TMEM81: variants seen among roughly 807,000 people sequenced by gnomAD.
The protein encoded by TMEM81 is transmembrane protein 81.
For synonymous variants in TMEM81, 132 were observed against 119.1 expected (o/e 1.11, Z -0.71); for missense variants, 294 against 300.5 (o/e 0.98, Z 0.16).
rs147804454 is a variant in TMEM81, at chr1:205,084,352, G to A, written c.-32C>T. 2.4e-3 allele frequency: 3,757 copies of A among 1,592,010 alleles called. 5 individuals are homozygous for A. Among genetic ancestry groups the A allele is most frequent in the Middle Eastern group, 4.6e-3 (27 of 5,900 alleles). On this transcript the variant is annotated 5_prime_UTR_variant, in exon 1 of 1. Transcript: ENST00000367167. ...GTAGGCGTTTTGCCACCCTCAGCCA[G>A]CACCCACAAGGTATTCCAGCTGAAT... is the stretch of plus-strand genomic sequence containing the variant.
rs372450015 is a variant in TMEM81 at position 205,084,371 on chromosome 1, G to A, written c.-51C>T. On this transcript the variant is annotated 5_prime_UTR_variant, in exon 1 of 1. Transcript: ENST00000367167. Reference sequence around the variant, plus strand: ...CAGCCAGCACCCACAAGGTATTCCAGCTGAATCCTCTATAAATCATAACTT... The same window carrying A: ...CAGCCAGCACCCACAAGGTATTCCAACTGAATCCTCTATAAATCATAACTT... 6 of 1,551,502 alleles carry A rather than the reference G, an allele frequency of 3.9e-6. No homozygotes were observed. The highest frequency in any genetic ancestry group is 5.2e-6 in the Non-Finnish European group (6 of 1,148,538).
Position 205,083,229 on chromosome 1 carries a change from G to C in TMEM81, c.*324C>G, listed in dbSNP as rs1424263394. Reference sequence around the variant, plus strand: ...TCAGAAGAGGGGAAATGGAGGTGGGGAGGCATCCAAGTCATAAAGGGTAGA... The same window carrying C: ...TCAGAAGAGGGGAAATGGAGGTGGGCAGGCATCCAAGTCATAAAGGGTAGA... On this transcript the variant is annotated 3_prime_UTR_variant, in exon 1 of 1. Transcript: ENST00000367167. 6.8e-6 allele frequency: 2 copies of C among 295,836 alleles called. No individual in the cohort carries two copies. Among genetic ancestry groups the C allele is most frequent in the African/African-American group, 4.3e-5 (2 of 46,350 alleles). 18.3% of individuals were successfully genotyped at this position (295,836 alleles called of 1,614,324 possible).
chr1:205,084,224 C>G lies in TMEM81; in HGVS notation c.97G>C (p.Glu33Gln). 6.2e-7 allele frequency: 1 copy of G among 1,614,142 alleles called. No homozygotes were observed. Among genetic ancestry groups the G allele is most frequent in the African/African-American group, 1.3e-5 (1 of 75,040 alleles). ...TTCCCCACAGCTTCTTGCAGCTTCT[C>G]AGGGATGGCCAGTGTTTTAGGTGTA... ...VTTPKTLAIPEKLQEAVGKVI... is the reference protein window; with the variant it reads ...VTTPKTLAIPQKLQEAVGKVI... Residue 33 changes from glutamate (E) to glutamine (Q), a missense_variant, in exon 1 of 1, where the codon GAG becomes CAG. Glu to Gln is a conservative substitution (Grantham distance 29). Coordinates refer to ENST00000367167, the MANE Select transcript of TMEM81 (RefSeq NM_203376.2).
At position 205,084,206 on chromosome 1, in the gene TMEM81, C is replaced by T. The variant is rs752746912; in HGVS notation, c.115G>A (p.Val39Met). 28 of 1,614,084 alleles carry T rather than the reference C, an allele frequency of 1.7e-5. No homozygotes were observed. Among genetic ancestry groups the T allele is most frequent in the Non-Finnish European group, 2.3e-5 (27 of 1,180,044 alleles). Reference protein sequence around the residue: ...LAIPEKLQEAVGKVIINATTC... With the variant: ...LAIPEKLQEAMGKVIINATTC... ...GTGGCATTGATGATAACTTTCCCCA[C>T]AGCTTCTTGCAGCTTCTCAGGGATG... The change falls in exon 1 of 1, where the codon GTG becomes ATG. Residue 39 changes from valine (V) to methionine (M), a missense_variant. Physicochemically the swap from Val to Met is conservative, Grantham distance 21. Coordinates refer to ENST00000367167, the MANE Select transcript of TMEM81 (RefSeq NM_203376.2).
Position 205,083,960 on chromosome 1 carries a change from A to G in TMEM81, c.361T>C (p.Trp121Arg). The stretch of plus-strand genomic sequence containing the variant: ...GAGATGACACCTCGAGCAAGTCTCC[A>G]GGTGAACCGGAAAGCTTCCTGTCCA... ...EFGQEAFRFT[W>R]RLARGVISTD... The change falls in exon 1 of 1, where the codon TGG (tryptophan) becomes CGG (arginine). Residue 121 changes from tryptophan (W) to arginine (R), a missense_variant. Transcript: ENST00000367167. The G allele has an allele frequency of 6.2e-7, 1 of 1,614,248 alleles. No homozygotes were observed. The highest frequency in any genetic ancestry group is 8.5e-7 in the Non-Finnish European group (1 of 1,180,038).
In TMEM81 at chr1:205,083,864, A is replaced by C. The variant is rs1163153222; in HGVS notation, c.457T>G (p.Tyr153Asp). The change falls in exon 1 of 1, where the codon TAT (tyrosine) becomes GAT (aspartate). Residue 153 changes from tyrosine to aspartate, a missense_variant. Coordinates refer to ENST00000367167, the MANE Select transcript of TMEM81 (RefSeq NM_203376.2). ...HFVKFKYAQE[Y>D]DSGTYRCDVQ... ...TCACAGCGATATGTCCCAGAGTCATACTCCTGAGCATATTTAAACTTCACA... is the reference window on the plus strand; with the variant it reads ...TCACAGCGATATGTCCCAGAGTCATCCTCCTGAGCATATTTAAACTTCACA... The C allele has an allele frequency of 6.2e-7, 1 of 1,613,996 alleles. No homozygotes were observed. Among genetic ancestry groups the C allele is most frequent in the Non-Finnish European group, 8.5e-7 (1 of 1,180,044 alleles).
chr1:205,084,006 C>CA lies in TMEM81; in HGVS notation c.314dup (p.Ser106GlufsTer26), dbSNP rs1346230983. 4 of 1,614,094 alleles carry CA rather than the reference C, an allele frequency of 2.5e-6. No individual in the cohort carries two copies. The highest frequency in any genetic ancestry group is 3.3e-5 in the Admixed American group (2 of 60,008). On this transcript the variant is annotated frameshift_variant, in exon 1 of 1. Coordinates refer to ENST00000367167, the MANE Select transcript of TMEM81 (RefSeq NM_203376.2). LOFTEE classifies it low-confidence loss of function (END_TRUNC). ...GTCCAAACTCCAAGATGTCTGAACT[C>CA]AGACAGCTAAGCTCAAATTCCTTGC... is the stretch of plus-strand genomic sequence containing the variant.
chr1:205,084,016 A>G lies in TMEM81; in HGVS notation c.305T>C (p.Leu102Pro), dbSNP rs775342368. The change falls in exon 1 of 1, where the codon CTT becomes CCT. Residue 102 changes from leucine to proline, a missense_variant. Leu to Pro is a moderately conservative substitution (Grantham distance 98, BLOSUM62 -3). Transcript: ENST00000367167. ...FTILIGKEFE[L>P]SCLSSDILEF... ...CAAGATGTCTGAACTCAGACAGCTA[A>G]GCTCAAATTCCTTGCCAATGAGAAT... 26 of 1,614,094 alleles carry G rather than the reference A, an allele frequency of 1.6e-5. No individual in the cohort carries two copies. The highest frequency in any genetic ancestry group is 1.7e-6 in the Non-Finnish European group (2 of 1,180,040).
At position 205,083,292 on chromosome 1, in the gene TMEM81, A is replaced by G. The variant is rs142284266; in HGVS notation, c.*261T>C. ...GCTTCTTAGAACTCTTCCCAGGAAC[A>G]CAGGCAATGCTTGCAGTTTCCTGGG... On this transcript the variant is annotated 3_prime_UTR_variant, in exon 1 of 1. Transcript: ENST00000367167. 24 of 453,274 alleles carry G rather than the reference A, an allele frequency of 5.3e-5. No individual in the cohort carries two copies. The East Asian group carries it at 8.2e-4, about 16-fold the overall frequency. The allele number at this position is 453,274 out of a possible 1,614,324, so 28.1% of individuals were successfully genotyped here.
Position 205,083,967 on chromosome 1 carries a change from C to G in TMEM81, c.354G>C (p.Arg118=), listed in dbSNP as rs1240126073. The G allele has an allele frequency of 6.2e-7, 1 of 1,614,082 alleles. No individual in the cohort carries two copies. Among genetic ancestry groups the G allele is most frequent in the Non-Finnish European group, 8.5e-7 (1 of 1,180,050 alleles). The stretch of plus-strand genomic sequence containing the variant: ...CACCTCGAGCAAGTCTCCAGGTGAA[C>G]CGGAAAGCTTCCTGTCCAAACTCCA... ...DILEFGQEAF[R]FTWRLARGVI... The change falls in exon 1 of 1, where the codon CGG becomes CGC. Residue 118 remains arginine, a synonymous_variant. Transcript: ENST00000367167.
chr1:205,083,933 T>A lies in TMEM81; in HGVS notation c.388A>T (p.Thr130Ser), dbSNP rs776315895. 1 of 1,614,190 alleles carries A rather than the reference T, an allele frequency of 6.2e-7. No individual in the cohort carries two copies. The highest frequency in any genetic ancestry group is 1.7e-5 in the Admixed American group (1 of 60,026). The change falls in exon 1 of 1, where the codon ACT (threonine) becomes TCT (serine). Residue 130 changes from threonine (T) to serine (S), a missense_variant. Coordinates refer to ENST00000367167, the MANE Select transcript of TMEM81 (RefSeq NM_203376.2). Reference sequence around the variant, plus strand: ...AAGGGTTTGAAGACCTCATCGTCAGTGGAGATGACACCTCGAGCAAGTCTC... The same window carrying A: ...AAGGGTTTGAAGACCTCATCGTCAGAGGAGATGACACCTCGAGCAAGTCTC... ...TWRLARGVIS[T>S]DDEVFKPFQA...
rs753138099 is a variant in TMEM81 at position 205,083,604 on chromosome 1, G to A, written c.717C>T (p.Gly239=). Residue 239 remains glycine, a synonymous_variant, in exon 1 of 1, where the codon GGC becomes GGT. Transcript: ENST00000367167. ...GIGIAIGVVG[G]VLVRIVLCAL... ...CACAGAGGACAATCCTCACCAACACGCCACCAACCACTCCAATGGCAATTC... is the reference window on the plus strand; with the variant it reads ...CACAGAGGACAATCCTCACCAACACACCACCAACCACTCCAATGGCAATTC... 96 of 1,613,974 alleles carry A rather than the reference G, an allele frequency of 5.9e-5. No homozygotes were observed. Among genetic ancestry groups the A allele is most frequent in the Non-Finnish European group, 7.5e-5 (88 of 1,180,016 alleles).
At position 205,083,565 on chromosome 1, in the gene TMEM81, GC is replaced by G. The variant is rs767508106; in HGVS notation, c.755del (p.Gly252AlafsTer25). On this transcript the variant is annotated frameshift_variant, in exon 1 of 1. Transcript: ENST00000367167. LOFTEE classifies it low-confidence loss of function (END_TRUNC). ...VRIVLCALRG[G>X]LQQ ...GTTCTTGAAGCTGTCACTGCTGCAG[GC>G]CCCCCCTTAGCGCACAGAGGACAAT... The G allele has an allele frequency of 1.5e-5, 24 of 1,603,668 alleles. No homozygotes were observed. Among genetic ancestry groups the G allele is most frequent in the Non-Finnish European group, 1.8e-5 (21 of 1,172,976 alleles).
At position 205,083,715 on chromosome 1, in the gene TMEM81, A is replaced by G. The variant is rs1655063431; in HGVS notation, c.606T>C (p.Asp202=). 1.2e-6 allele frequency: 2 copies of G among 1,614,072 alleles called. No homozygotes were observed. The highest frequency in any genetic ancestry group is 1.7e-5 in the Admixed American group (1 of 60,006). ...TGTCCAGATTAACTTCCAATCCCTC[A>G]TCTATTAACTTCTGATCCTCAGTAA... ...QSLTEDQKLI[D]EGLEVNLDSY... Residue 202 remains aspartate (D), a synonymous_variant, in exon 1 of 1, where the codon GAT becomes GAC. Coordinates refer to ENST00000367167, the MANE Select transcript of TMEM81 (RefSeq NM_203376.2).
chr1:205,083,568 C>CT lies in TMEM81; in HGVS notation c.752_753insA (p.Leu253ProfsTer10). The CT allele has an allele frequency of 1.2e-6, 2 of 1,605,560 alleles. No individual in the cohort carries two copies. The highest frequency in any genetic ancestry group is 1.7e-6 in the Non-Finnish European group (2 of 1,173,928). ...CTTGAAGCTGTCACTGCTGCAGGCC[C>CT]CCCCTTAGCGCACAGAGGACAATCC... On this transcript the variant is annotated frameshift_variant, in exon 1 of 1. Transcript: ENST00000367167. LOFTEE classifies it low-confidence loss of function (END_TRUNC).
Position 205,083,586 on chromosome 1 carries a change from G to A in TMEM81, c.735C>T (p.Val245=). 6.2e-7 allele frequency: 1 copy of A among 1,613,694 alleles called. No individual in the cohort carries two copies. The highest frequency in any genetic ancestry group is 8.5e-7 in the Non-Finnish European group (1 of 1,179,800). ...GVVGGVLVRI[V]LCALRGGLQQ ...GCAGGCCCCCCCTTAGCGCACAGAG[G>A]ACAATCCTCACCAACACGCCACCAA... is the stretch of plus-strand genomic sequence containing the variant. The change falls in exon 1 of 1, where the codon GTC becomes GTT. Residue 245 remains valine (V), a synonymous_variant. Coordinates refer to ENST00000367167, the MANE Select transcript of TMEM81 (RefSeq NM_203376.2).
At position 205,083,423 on chromosome 1, in the gene TMEM81, T is replaced by C. The variant is rs1386607196; in HGVS notation, c.*130A>G. The C allele has an allele frequency of 9.6e-7, 1 of 1,037,510 alleles. No homozygotes were observed. Among genetic ancestry groups the C allele is most frequent in the African/African-American group, 1.6e-5 (1 of 61,916 alleles). The allele number at this position is 1,037,510 out of a possible 1,614,324, so 64.3% of individuals were successfully genotyped here. A position where few individuals can be genotyped will look rare whatever the true frequency, so the allele number is the denominator to read the frequency against. On this transcript the variant is annotated 3_prime_UTR_variant, in exon 1 of 1. Transcript: ENST00000367167. ...TGTCCCCTCCATTTCTCCCACTCAT[T>C]CTTTTGGCTGTGGGAGTGTTCCCTC...
Position 205,083,741 on chromosome 1 carries a change from G to A in TMEM81, c.580C>T (p.Leu194Phe), listed in dbSNP as rs1655063981. The change falls in exon 1 of 1, where the codon CTT (leucine) becomes TTT (phenylalanine). Residue 194 changes from leucine (L) to phenylalanine (F), a missense_variant. By Grantham distance (22) the Leu-to-Phe change is conservative. Transcript: ENST00000367167. ...NLVNLNFHQS[L>F]TEDQKLIDEG... ...TCTATTAACTTCTGATCCTCAGTAA[G>A]TGACTGATGGAAATTCAGATTCACC... is the stretch of plus-strand genomic sequence containing the variant. 1 of 1,614,066 alleles carries A rather than the reference G, an allele frequency of 6.2e-7. No individual in the cohort carries two copies. The highest frequency in any genetic ancestry group is 1.7e-5 in the Admixed American group (1 of 59,990).
Position 205,083,710 on chromosome 1 carries a change from C to A in TMEM81, c.611G>T (p.Gly204Val). 1 of 1,614,202 alleles carries A rather than the reference C, an allele frequency of 6.2e-7. No individual in the cohort carries two copies. The highest frequency in any genetic ancestry group is 8.5e-7 in the Non-Finnish European group (1 of 1,180,028). The change falls in exon 1 of 1, where the codon GGA becomes GTA. Residue 204 changes from glycine to valine, a missense_variant. Transcript: ENST00000367167. ...GTAGCTGTCCAGATTAACTTCCAAT[C>A]CCTCATCTATTAACTTCTGATCCTC... ...LTEDQKLIDE[G>V]LEVNLDSYSK...
Sources: gnomAD v4.1 joint callset for allele counts on GRCh38, gnomAD v4.1.1 for gene constraint, MANE v1.5 for transcripts, NCBI Gene and HGNC (gene_info 2026-07-23, HGNC 2026-07-21) for gene names.